Variants in ENPP4 observed in about 807,000 individuals in gnomAD.
ENPP4 encodes the protein ectonucleotide pyrophosphatase/phosphodiesterase 4.
A neutral mutation model predicts 33.4 loss-of-function variants in ENPP4; 18 were observed. The ratio of observed to expected loss-of-function variants is 0.54; its 90% CI spans 0.37 to 0.80. The LOEUF is 0.80. Among genes scored for constraint, ENPP4 ranks in the 30% least tolerant of loss-of-function variants. The pLI, the probability that ENPP4 is intolerant of heterozygous loss-of-function variation, is 0.00. For synonymous variants in ENPP4, 172 were observed against 189.9 expected, an observed-to-expected ratio of 0.91 and a Z score of 0.78; for missense variants, 480 against 541.7, an observed-to-expected ratio of 0.89 and a Z score of 1.13.
chr6:46,135,622 C>T (rs1055237738), intron 1 of ENPP4, among the ~76,000 whole-genome samples: 1 of 151,952 alleles, frequency 6.6e-6, no homozygotes, highest in South Asian at 2.1e-4. Flanking sequence ...TGTCTTTTCA[C>T]TTTCTTGATG....
intron 1 of ENPP4, among the ~76,000 whole-genome samples, chr6:46,138,507 C>G (rs988281919): frequency 1.3e-5 from 2 of 151,838 alleles, no homozygotes; most frequent in Non-Finnish European, 2.9e-5. Flanking sequence ...TTCAGACATT[C>G]TTTCTGTTCC....
intron 1 of ENPP4, among the ~76,000 whole-genome samples, chr6:46,138,289 T>G (rs946949388): frequency 2.6e-5 from 4 of 151,854 alleles, no homozygotes; most frequent in African/African-American, 9.7e-5. Context: ...GTTAGCATCT[T>G]CAGCTTCCTT....
intron 3 of ENPP4, 67 bp downstream of exon 3, chr6:46,141,289 G>A: frequency 8.7e-7 from 1 of 1,145,568 alleles, no homozygotes; most frequent in Non-Finnish European, 1.3e-6. Context: ...ATACTGTTGT[G>A]TTAAGAGGGT....
intron 1 of ENPP4, among the ~76,000 whole-genome samples, chr6:46,136,750 G>A (rs1303030237): frequency 6.6e-6 from 1 of 151,866 alleles, no homozygotes; most frequent in Non-Finnish European, 1.5e-5. Flanking sequence ...GTAAGAAAGT[G>A]GAAGGTGGTT....
intron 2 of ENPP4, 57 bp downstream of exon 2, chr6:46,140,466 G>T (rs899411170): frequency 2.0e-6 from 2 of 1,015,788 alleles, no homozygotes; most frequent in African/African-American, 1.6e-5. Flanking sequence ...TTGATTGAGG[G>T]GGGTGGGTTG....
intron 1 of ENPP4, among the ~76,000 whole-genome samples, chr6:46,136,137 A>C (rs529042390): frequency 6.6e-6 from 1 of 152,100 alleles, no homozygotes; most frequent in Non-Finnish European, 1.5e-5. Flanking sequence ...ATTTAAGTCT[A>C]TTCTGTTATT....
chr6:46,132,519 T>C (rs1050696312), intron 1 of ENPP4, among the ~76,000 whole-genome samples: 1 of 152,252 alleles, frequency 6.6e-6, no homozygotes, highest in Non-Finnish European at 1.5e-5. Flanking sequence ...TCTATATCTC[T>C]GTTTTGGTAC....
In ENPP4 at chr6:46,143,503, G is replaced by C; in HGVS notation, c.1225G>C (p.Ala409Pro). 6.2e-7 allele frequency: 1 copy of C among 1,612,812 alleles called. No individual in the cohort carries two copies. Among genetic ancestry groups the C allele is most frequent in the Non-Finnish European group, 8.5e-7 (1 of 1,179,124 alleles). Reference protein sequence around the residue: ...QWCINLPEAIAIVIGSLLVLT... With the variant: ...QWCINLPEAIPIVIGSLLVLT... ...GTGCATTAATCTCCCAGAAGCCATC[G>C]CGATTGTTATCGGTTCACTCTTGGT... The change falls in exon 4 of 4, where the codon GCG (alanine) becomes CCG (proline). Residue 409 changes from alanine to proline, a missense_variant. By Grantham distance (27) the Ala-to-Pro change is conservative. This residue lies in a region of ENPP4 where 249 missense variants were observed against 251.8 expected (regional missense o/e 0.99). Coordinates refer to ENST00000321037, the MANE Select transcript of ENPP4 (RefSeq NM_014936.5).
rs1764105051 is a variant in ENPP4 at position 46,143,803 on chromosome 6, G to A, written c.*163G>A. On this transcript the variant is annotated 3_prime_UTR_variant, in exon 4 of 4. Transcript: ENST00000321037. The stretch of plus-strand genomic sequence containing the variant: ...TGTTTTCCTTGTGTTTTGTTTCGGT[G>A]CATTTGCTAATAAGATAACGCTGAC... 3 of 697,506 alleles carry A rather than the reference G, an allele frequency of 4.3e-6. No individual in the cohort carries two copies. The highest frequency in any genetic ancestry group is 6.9e-6 in the Non-Finnish European group (3 of 437,060). 43.2% of individuals were successfully genotyped at this position (697,506 alleles called of 1,614,324 possible). A position where few individuals can be genotyped will look rare whatever the true frequency, so the allele number is the denominator to read the frequency against.
chr6:46,131,373 T>G (rs1215905671), intron 1 of ENPP4, among the ~76,000 whole-genome samples: 2 of 149,098 alleles, frequency 1.3e-5, no homozygotes, highest in African/African-American at 4.9e-5. Context: ...TGTGTTCTCA[T>G]TGTTCAATTC....
chr6:46,136,518 G>A (rs754413739), intron 1 of ENPP4, among the ~76,000 whole-genome samples: 11 of 151,832 alleles, frequency 7.2e-5, no homozygotes, highest in Non-Finnish European at 1.2e-4. Flanking sequence ...AAAGACCATG[G>A]CAATGAAGTA....
At chr6:46,131,846 C>T (rs975721683) in intron 1 of ENPP4, among the ~76,000 whole-genome samples, 11 of 152,178 alleles carry the variant, frequency 7.2e-5, no homozygotes, top group Non-Finnish European at 1.3e-4. Context: ...TAATGATTGC[C>T]ATTCTAACTG....
At position 46,132,641 on chromosome 6, in the gene ENPP4, C is replaced by CT. The variant is rs1039593045; in HGVS notation, c.-34+2458dup. On this transcript the variant is annotated intron_variant, in intron 1 of 3. Transcript: ENST00000321037. Reference sequence around the variant, plus strand: ...AAGGATTGACTTGGCGATGCGGGCTCTTTTTTGGTTCCATATGAACTTTAA... The same window carrying CT: ...AAGGATTGACTTGGCGATGCGGGCTCTTTTTTTGGTTCCATATGAACTTTAA... Among the ~76,000 whole-genome samples, 5 of 152,066 alleles carry CT rather than the reference C, an allele frequency of 3.3e-5. No homozygotes were observed. In the East Asian group the frequency reaches 9.6e-4, roughly 29 times the overall value.
At chr6:46,135,364 C>T (rs1033926748) in intron 1 of ENPP4, among the ~76,000 whole-genome samples, 7 of 152,098 alleles carry the variant, frequency 4.6e-5, no homozygotes, top group African/African-American at 9.6e-5. Flanking sequence ...ACTCATCCTT[C>T]GGGGTGTGAA....
chr6:46,135,684 T>C (rs1763965261), intron 1 of ENPP4, among the ~76,000 whole-genome samples: 1 of 152,032 alleles, frequency 6.6e-6, no homozygotes, highest in African/African-American at 2.4e-5. Flanking sequence ...TTTATTTCTC[T>C]TTTTTGGTCA....
intron 1 of ENPP4, among the ~76,000 whole-genome samples, 200 bp downstream of exon 1, chr6:46,130,389 G>A (rs1763875077): frequency 6.6e-6 from 1 of 152,214 alleles, no homozygotes; most frequent in Non-Finnish European, 1.5e-5. Flanking sequence ...CCGAGGCGGA[G>A]GCCAGGAAGG....
rs1337069614 is a variant in ENPP4, at chr6:46,146,155, A to T, written c.*2515A>T. 1 of 152,134 alleles carries T rather than the reference A, an allele frequency of 6.6e-6. No individual in the cohort carries two copies. Among genetic ancestry groups the T allele is most frequent in the Non-Finnish European group, 1.5e-5 (1 of 67,852 alleles). The allele number at this position is 152,134 out of a possible 1,614,324, so 9.4% of individuals were successfully genotyped here. On this transcript the variant is annotated 3_prime_UTR_variant, in exon 4 of 4. Coordinates refer to ENST00000321037, the MANE Select transcript of ENPP4 (RefSeq NM_014936.5). Reference sequence around the variant, plus strand: ...TAATTCAGTCAGTGAATTCAGAATAAGTACATTCATGTATAACATAGGGAC... The same window carrying T: ...TAATTCAGTCAGTGAATTCAGAATATGTACATTCATGTATAACATAGGGAC...
intron 1 of ENPP4, among the ~76,000 whole-genome samples, chr6:46,136,702 G>A (rs1220194719): frequency 6.6e-6 from 1 of 151,918 alleles, no homozygotes; most frequent in Non-Finnish European, 1.5e-5. Context: ...CATGAACAGA[G>A]CTGTGCCCAG....
intron 1 of ENPP4, among the ~76,000 whole-genome samples, chr6:46,135,559 T>C (rs1164210856): frequency 6.6e-6 from 1 of 152,104 alleles, no homozygotes; most frequent in East Asian, 1.9e-4. Context: ...ATAGTCTAGA[T>C]ACAAATCTCT....
Sources: gnomAD v4.1 joint callset for allele counts (sites outside exome capture counted in the v4.1 genomes callset) on GRCh38, gnomAD v4.1.1 for gene constraint, gnomAD v4.1.1 regional missense constraint, MANE v1.5 for transcripts, NCBI Gene and HGNC (gene_info 2026-07-23, HGNC 2026-07-21) for gene names.